STAMBP: variants seen among roughly 807,000 people sequenced by gnomAD.
STAMBP encodes STAM-binding protein.
In STAMBP, 31 loss-of-function variants were observed where a neutral mutation model predicts 50.7. The observed-to-expected ratio is 0.61, with a 90% CI of 0.46 to 0.83. STAMBP has a LOEUF of 0.83. STAMBP is among the 40% of genes least tolerant of loss of function. The pLI, the probability that STAMBP is intolerant of heterozygous loss-of-function variation, is 0.00. For missense variants in STAMBP, 472 were observed against 518.9 expected, an observed-to-expected ratio of 0.91 and a Z score of 0.88; for synonymous variants, 211 against 192.4, an observed-to-expected ratio of 1.10 and a Z score of -0.80.
At chr2:73,832,403 C>T (rs888410081) in intron 2 of STAMBP, among the ~76,000 whole-genome samples, 2 of 150,226 alleles carry the variant, frequency 1.3e-5, no homozygotes, top group East Asian at 1.9e-4. Context: ...TGTAGTGAGC[C>T]GAGATCGTGC....
intron 2 of STAMBP, among the ~76,000 whole-genome samples, chr2:73,832,597 A>G (rs1674102993): frequency 6.6e-6 from 1 of 152,064 alleles, no homozygotes; most frequent in Non-Finnish European, 1.5e-5. Flanking sequence ...GTTTTATCAC[A>G]TTAAGTTTTT....
rs562869898 is a variant in STAMBP, at chr2:73,860,291, G to T, written c.1218+140G>T. On this transcript the variant is annotated intron_variant, in intron 9 of 9. Coordinates refer to ENST00000394070, the MANE Select transcript of STAMBP (RefSeq NM_213622.4). ...CTTGCCAGATCTCCATAATAAGGAC[G>T]TACATGAGAAGCAGTGTGGGACAGG... The T allele has an allele frequency of 1.5e-4, 101 of 687,540 alleles. 1 individual carries two copies. The African/African-American group carries it at 1.8e-3, about 12-fold the overall frequency. The allele number at this position is 687,540 out of a possible 1,614,324, so 42.6% of individuals were successfully genotyped here.
intron 1 of STAMBP, 56 bp from the exon 2 acceptor site, chr2:73,830,789 A>C: frequency 7.2e-7 from 1 of 1,384,966 alleles, no homozygotes; most frequent in Middle Eastern, 2.5e-4. Context: ...TAAACTGTAA[A>C]ACTGCTGGGA....
At position 73,859,244 on chromosome 2, in the gene STAMBP, C is replaced by T; in HGVS notation, c.1006-10C>T. The T allele has an allele frequency of 6.2e-7, 1 of 1,610,260 alleles. No individual in the cohort carries two copies. The highest frequency in any genetic ancestry group is 8.5e-7 in the Non-Finnish European group (1 of 1,176,542). On this transcript the variant is annotated splice_polypyrimidine_tract_variant and intron_variant, in intron 7 of 9. Transcript: ENST00000394070. ...CGCTAAGAGTCCTCTGACTCTTTTTCTCTCCTCAGACTCACCCCACACAGA... is the reference window on the plus strand; with the variant it reads ...CGCTAAGAGTCCTCTGACTCTTTTTTTCTCCTCAGACTCACCCCACACAGA...
chr2:73,851,509 T>G (rs949108135), intron 7 of STAMBP, among the ~76,000 whole-genome samples: 2 of 152,132 alleles, frequency 1.3e-5, no homozygotes, highest in Non-Finnish European at 1.5e-5. Flanking sequence ...TAGTAGAATG[T>G]TGGCAAGCTG....
intron 5 of STAMBP, 144 bp from the exon 6 acceptor site, chr2:73,849,219 C>T: frequency 1.7e-6 from 2 of 1,167,766 alleles, no homozygotes; most frequent in South Asian, 1.4e-5. Context: ...TTTTTGGTGC[C>T]ATTAGAATGA....
chr2:73,830,786 TA>T (rs1393797116), intron 1 of STAMBP, 58 bp from the exon 2 acceptor site: 29 of 1,361,346 alleles, frequency 2.1e-5, no homozygotes, highest in Non-Finnish European at 3.0e-5. Context: ...AGATAAACTG[TA>T]AAACTGCTGG....
downstream of STAMBP, among the ~76,000 whole-genome samples, chr2:73,869,105 C>G (rs1272608805): frequency 3.3e-5 from 5 of 152,126 alleles, no homozygotes. Context: ...GGGCTACAAG[C>G]TAAGTATCTA....
chr2:73,846,635 A>AG (rs1458837657), intron 4 of STAMBP, among the ~76,000 whole-genome samples: 1 of 151,932 alleles, frequency 6.6e-6, no homozygotes, highest in Non-Finnish European at 1.5e-5. Flanking sequence ...GAAAAAAAAA[A>AG]AAAATTCAGT....
In STAMBP at chr2:73,865,197, G is replaced by A. The variant is rs1678755326; in HGVS notation, c.*2938G>A. On this transcript the variant is annotated 3_prime_UTR_variant, in exon 10 of 10. Transcript: ENST00000394070. ...TTTTCATATTGGGGTTGAGAAGAAT[G>A]GAGGCTATTAGGAGCAAAGCTTTAA... 1 of 152,204 alleles carries A rather than the reference G, an allele frequency of 6.6e-6. No individual in the cohort carries two copies. The highest frequency in any genetic ancestry group is 1.5e-5 in the Non-Finnish European group (1 of 68,054). The allele number at this position is 152,204 out of a possible 1,614,324, so 9.4% of individuals were successfully genotyped here.
At chr2:73,843,410 ATATATATATG>A (rs1237781617) in intron 2 of STAMBP, among the ~76,000 whole-genome samples, 2 of 137,112 alleles carry the variant, frequency 1.5e-5, no homozygotes, top group Admixed American at 7.1e-5. Context: ...GTGTATGTAT[ATATATATATG>A]TATATATATA....
rs571846070 is a variant in STAMBP, at chr2:73,850,057, C to G, written c.868-319C>G. On this transcript the variant is annotated intron_variant, in intron 6 of 9. Transcript: ENST00000394070. The surrounding 1 kb of genome is among the most constrained non-coding windows in gnomAD (Gnocchi z 4.3). ...CAGTGACAGGACAACAACTTTAGAC[C>G]TGAGCAAGGGAAGAGAAATGGTACT... Among the ~76,000 whole-genome samples the G allele has an allele frequency of 1.2e-4, 19 of 152,292 alleles. No individual in the cohort carries two copies. The highest frequency in any genetic ancestry group is 1.1e-3 in the Admixed American group (17 of 15,312).
downstream of STAMBP, among the ~76,000 whole-genome samples, chr2:73,869,521 C>T (rs1679114128): frequency 6.6e-6 from 1 of 151,930 alleles, no homozygotes. Context: ...AAAGATTATT[C>T]TAAAATTAAT....
At chr2:73,845,141 A>G (rs1447797812) in intron 3 of STAMBP, 26 bp from the exon 4 acceptor site, 3 of 1,609,290 alleles carry the variant, frequency 1.9e-6, no homozygotes, top group Non-Finnish European at 2.5e-6. Context: ...CATTGTTCTA[A>G]TTCTATTTTC....
At position 73,850,169 on chromosome 2, in the gene STAMBP, G is replaced by A. The variant is rs1372944161; in HGVS notation, c.868-207G>A. On this transcript the variant is annotated intron_variant, in intron 6 of 9. Coordinates refer to ENST00000394070, the MANE Select transcript of STAMBP (RefSeq NM_213622.4). This position sits in a 1 kb window ranked among gnomAD's most constrained non-coding sequence, Gnocchi z 4.3. ...GTTTGCCCAGGCTGCAGAGTTCTGG[G>A]GTTGGTCTCTGCATCTGTCGCTGTA... is the stretch of plus-strand genomic sequence containing the variant. Among the ~76,000 whole-genome samples the A allele has an allele frequency of 6.6e-6, 1 of 152,158 alleles. No homozygotes were observed. Among genetic ancestry groups the A allele is most frequent in the Non-Finnish European group, 1.5e-5 (1 of 68,028 alleles).
chr2:73,849,563 A>C (rs1676550935), intron 6 of STAMBP, 76 bp downstream of exon 6: 1 of 1,509,704 alleles, frequency 6.6e-7, no homozygotes, highest in African/African-American at 1.4e-5. Context: ...TGTGACTCTC[A>C]GAGAAAATAT....
intron 4 of STAMBP, among the ~76,000 whole-genome samples, chr2:73,846,014 GC>G (rs559629273): frequency 1.1e-4 from 16 of 152,186 alleles, no homozygotes; most frequent in Non-Finnish European, 2.4e-4. Flanking sequence ...TCAGTGGCCA[GC>G]TGTGAATACA....
At position 73,850,489 on chromosome 2, in the gene STAMBP, C is replaced by T. The variant is rs1676679189; in HGVS notation, c.981C>T (p.Gly327=). 1.9e-6 allele frequency: 3 copies of T among 1,613,420 alleles called. No individual in the cohort carries two copies. The African/African-American group carries it at 4.0e-5, about 22-fold the overall frequency. Residue 327 remains glycine (G), a synonymous_variant, in exon 7 of 10, where the codon GGC becomes GGT. Coordinates refer to ENST00000394070, the MANE Select transcript of STAMBP (RefSeq NM_213622.4). The surrounding 1 kb of genome is among the most constrained non-coding windows in gnomAD (Gnocchi z 4.3). ...TTTTCCTCATACAGGATCAGCAGGG[C>T]CTCATCACACTGGGCTGGATTCATG... ...EELFLIQDQQ[G]LITLGWIHTH...
chr2:73,850,659 C>A lies in STAMBP; in HGVS notation c.1005+146C>A. On this transcript the variant is annotated intron_variant, in intron 7 of 9. Transcript: ENST00000394070. The surrounding 1 kb of genome is among the most constrained non-coding windows in gnomAD (Gnocchi z 4.3). ...TGGATGCAGTCCTTAGCATACTTGA[C>A]TATTGCACTTTGGTATTGTTTTCTG... The A allele has an allele frequency of 2.4e-6, 2 of 821,764 alleles. No homozygotes were observed. Among genetic ancestry groups the A allele is most frequent in the Non-Finnish European group, 3.4e-6 (2 of 583,172 alleles). The allele number at this position is 821,764 out of a possible 1,614,324, so 50.9% of individuals were successfully genotyped here.
Sources: allele counts gnomAD v4.1 joint callset (sites outside exome capture counted in the v4.1 genomes callset), GRCh38; gene constraint gnomAD v4.1.1; non-coding constraint Gnocchi (gnomAD v3.1); transcripts MANE v1.5; gene names NCBI Gene and HGNC (gene_info 2026-07-23, HGNC 2026-07-21).